The following ADAM12 variants were observed in gnomAD, a reference collection of about 807,000 sequenced individuals.
ADAM12 encodes the protein disintegrin and metalloproteinase domain-containing protein 12.
In ADAM12, 70 loss-of-function variants were observed where a neutral mutation model predicts 106.4. The observed-to-expected ratio is 0.66, with a 90% CI of 0.54 to 0.80. The LOEUF is 0.80. ADAM12 is among the 30% of genes least tolerant of loss of function. The pLI is 0.00. For missense variants in ADAM12, 1,010 were observed against 1,171.9 expected (o/e 0.86, Z 2.02); for synonymous variants, 420 against 433.5 (o/e 0.97, Z 0.39).
chr10:126,288,551 G>A (rs1959988241), intron 2 of ADAM12, among the ~76,000 whole-genome samples: 1 of 152,202 alleles, frequency 6.6e-6, no homozygotes, highest in African/African-American at 2.4e-5. Context: ...TGGGTGTGGT[G>A]ACATGATGGC....
At chr10:126,271,796 C>G (rs900586236) in intron 3 of ADAM12, among the ~76,000 whole-genome samples, 5 of 152,186 alleles carry the variant, frequency 3.3e-5, no homozygotes. Context: ...CTTATCATGT[C>G]ATTGTTCTGC....
intron 20 of ADAM12, 51 bp from the exon 21 acceptor site, chr10:126,036,376 G>GTAAC (rs1273250164): frequency 5.2e-6 from 8 of 1,539,406 alleles, no homozygotes; most frequent in East Asian, 2.5e-5. Flanking sequence ...AAAAATATCA[G>GTAAC]TAACTCCTTA....
At chr10:126,201,267 G>A (rs1317843529) in intron 3 of ADAM12, among the ~76,000 whole-genome samples, 1 of 152,142 alleles carries the variant, frequency 6.6e-6, no homozygotes, top group Non-Finnish European at 1.5e-5. Flanking sequence ...AAGCTAAGTT[G>A]AGGTCATACT....
intron 3 of ADAM12, among the ~76,000 whole-genome samples, chr10:126,199,066 G>A (rs528233780): frequency 4.1e-4 from 63 of 152,192 alleles, no homozygotes; most frequent in Middle Eastern, 3.4e-3. Flanking sequence ...TGCTTTTGGG[G>A]CCCTAGGAAT....
At chr10:126,336,327 A>T (rs1050626697) in intron 1 of ADAM12, among the ~76,000 whole-genome samples, 2 of 152,246 alleles carry the variant, frequency 1.3e-5, no homozygotes, top group African/African-American at 4.8e-5. Context: ...TAATCATGTC[A>T]TTCTGGAGCA....
At chr10:126,313,400 G>A (rs1961202562) in intron 2 of ADAM12, among the ~76,000 whole-genome samples, 1 of 152,200 alleles carries the variant, frequency 6.6e-6, no homozygotes, top group African/African-American at 2.4e-5. Flanking sequence ...GAAGGGCAAG[G>A]ATCACCTTGG....
At chr10:126,037,088 T>A (rs963885148) in intron 20 of ADAM12, among the ~76,000 whole-genome samples, 4 of 152,180 alleles carry the variant, frequency 2.6e-5, no homozygotes, top group African/African-American at 9.7e-5. Flanking sequence ...TTTGTCAGAA[T>A]TGTATATAAG....
chr10:126,175,678 G>A (rs964386058), intron 3 of ADAM12, among the ~76,000 whole-genome samples: 2 of 152,206 alleles, frequency 1.3e-5, no homozygotes, highest in African/African-American at 4.8e-5. Context: ...ATGTGATGTG[G>A]GTGCCACGTA....
chr10:126,153,595 T>C (rs1167564420), intron 4 of ADAM12, among the ~76,000 whole-genome samples: 1 of 152,242 alleles, frequency 6.6e-6, no homozygotes, highest in Non-Finnish European at 1.5e-5. Context: ...TTATCTCTTA[T>C]GTTCTCAGAA....
At chr10:126,158,703 ATGC>A (rs1956874049) in intron 3 of ADAM12, among the ~76,000 whole-genome samples, 1 of 122,412 alleles carries the variant, frequency 8.2e-6, no homozygotes, top group Non-Finnish European at 1.7e-5. Flanking sequence ...CAGGGAGAGG[ATGC>A]ACAGAGCATG....
At position 126,314,148 on chromosome 10, in the gene ADAM12, C is replaced by T. The variant is rs142886869; in HGVS notation, c.186+16264G>A. Reference sequence around the variant, plus strand: ...TGGAGGATGAGGCATCACCACCGACCTGAGCAGGTTGGCAGGAGTAGCGTG... The same window carrying T: ...TGGAGGATGAGGCATCACCACCGACTTGAGCAGGTTGGCAGGAGTAGCGTG... On this transcript the variant is annotated intron_variant, in intron 2 of 22. Transcript: ENST00000448723. Among the ~76,000 whole-genome samples the T allele has an allele frequency of 3.2e-3, 494 of 152,290 alleles. 2 individuals carry two copies. Among genetic ancestry groups the T allele is most frequent in the Non-Finnish European group, 6.3e-3 (431 of 68,016 alleles).
intron 3 of ADAM12, among the ~76,000 whole-genome samples, chr10:126,261,577 T>G (rs1312978535): frequency 6.6e-6 from 1 of 152,148 alleles, no homozygotes; most frequent in Non-Finnish European, 1.5e-5. Flanking sequence ...TTAGGCCTTG[T>G]GAAGGGCAGG....
At chr10:126,216,462 C>T (rs903309736) in intron 3 of ADAM12, among the ~76,000 whole-genome samples, 3 of 152,224 alleles carry the variant, frequency 2.0e-5, no homozygotes, top group South Asian at 2.1e-4. Context: ...CTCTCAATTT[C>T]GCCCCTGCCA....
intron 11 of ADAM12, among the ~76,000 whole-genome samples, chr10:126,089,105 G>C (rs910083220): frequency 6.6e-6 from 1 of 152,128 alleles, no homozygotes; most frequent in East Asian, 1.9e-4. Context: ...GAAGCCATTT[G>C]CCAGTATAGA....
At chr10:126,019,884 GA>G (rs1224605900) in intron 21 of ADAM12, 59 bp from the exon 22 acceptor site, 21 of 1,531,600 alleles carry the variant, frequency 1.4e-5, no homozygotes, top group Non-Finnish European at 3.5e-6. Flanking sequence ...AGGCCCCTGA[GA>G]AGCAGGGCCT....
chr10:126,236,241 G>T (rs1016709462), intron 3 of ADAM12, among the ~76,000 whole-genome samples: 1 of 152,228 alleles, frequency 6.6e-6, no homozygotes, highest in Non-Finnish European at 1.5e-5. Flanking sequence ...GCTATGCCCA[G>T]GTGGCATCAA....
intron 3 of ADAM12, among the ~76,000 whole-genome samples, chr10:126,201,558 C>T (rs1440862990): frequency 6.6e-6 from 1 of 152,066 alleles, no homozygotes; most frequent in South Asian, 2.1e-4. Context: ...TTTCTGCCTT[C>T]CAGAGCTGCG....
chr10:126,348,390 C>T (rs377035864), intron 1 of ADAM12, among the ~76,000 whole-genome samples: 29 of 152,150 alleles, frequency 1.9e-4, no homozygotes, highest in Middle Eastern at 6.8e-3. Context: ...TGGGCATTCA[C>T]GTGGGAGGAT....
At chr10:126,348,886 G>A (rs562912320) in intron 1 of ADAM12, among the ~76,000 whole-genome samples, 98 of 152,166 alleles carry the variant, frequency 6.4e-4, no homozygotes, top group African/African-American at 2.3e-3. Flanking sequence ...ATATAATTAC[G>A]CTAAGAAAAA....
Sources: allele counts gnomAD v4.1 joint callset (sites outside exome capture counted in the v4.1 genomes callset), GRCh38; gene constraint gnomAD v4.1.1; transcripts MANE v1.5; gene names NCBI Gene and HGNC (gene_info 2026-07-23, HGNC 2026-07-21).